CCDC85A: variants seen among roughly 807,000 people sequenced by gnomAD.
CCDC85A encodes the protein coiled-coil domain containing 85A.
In CCDC85A, 38 loss-of-function variants were observed where a neutral mutation model predicts 50.2. The ratio of observed to expected loss-of-function variants is 0.76; its 90% CI spans 0.58 to 0.99. The LOEUF (loss-of-function observed/expected upper bound fraction) is 0.99, where lower values mean the gene tolerates loss of function less well. CCDC85A is among the 50% of genes least tolerant of loss of function. The pLI, the probability that CCDC85A is intolerant of heterozygous loss-of-function variation, is 0.00. For missense variants in CCDC85A, 820 were observed against 742.0 expected (o/e 1.11, Z -1.22); for synonymous variants, 366 against 301.4 (o/e 1.21, Z -2.22).
chr2:56,248,154 TA>T (rs1669592012), intron 2 of CCDC85A, among the ~76,000 whole-genome samples: 1 of 152,244 alleles, frequency 6.6e-6, no homozygotes, highest in Non-Finnish European at 1.5e-5. Context: ...GTCATTGTGA[TA>T]AATGCTTCTG....
At chr2:56,322,503 C>T (rs1673254796) in intron 2 of CCDC85A, among the ~76,000 whole-genome samples, 1 of 152,102 alleles carries the variant, frequency 6.6e-6, no homozygotes, top group Non-Finnish European at 1.5e-5. Context: ...AGACAATTCT[C>T]AAAAGAAGAT....
chr2:56,191,500 G>A (rs767573671), intron 1 of CCDC85A, among the ~76,000 whole-genome samples: 1 of 152,194 alleles, frequency 6.6e-6, no homozygotes, highest in African/African-American at 2.4e-5. Context: ...TATCCTAAGG[G>A]CCATGAGATT....
At chr2:56,271,711 G>C (rs1248309478) in intron 2 of CCDC85A, among the ~76,000 whole-genome samples, 1 of 152,186 alleles carries the variant, frequency 6.6e-6, no homozygotes, top group Non-Finnish European at 1.5e-5. Context: ...TGGGAGGTAA[G>C]GCACAGACAA....
intron 2 of CCDC85A, among the ~76,000 whole-genome samples, chr2:56,285,189 C>T (rs1228240755): frequency 6.6e-6 from 1 of 151,364 alleles, no homozygotes; most frequent in African/African-American, 2.4e-5. Context: ...GCAGTCTCCA[C>T]GTCCCAGGTT....
At chr2:56,343,658 G>A (rs759510481) in intron 3 of CCDC85A, among the ~76,000 whole-genome samples, 1 of 152,046 alleles carries the variant, frequency 6.6e-6, no homozygotes, top group Non-Finnish European at 1.5e-5. Flanking sequence ...ATTCTAGGTT[G>A]GTTTCCTTTT....
chr2:56,245,843 C>G (rs954474779), intron 2 of CCDC85A, among the ~76,000 whole-genome samples: 1 of 152,138 alleles, frequency 6.6e-6, no homozygotes, highest in Non-Finnish European at 1.5e-5. Context: ...GTGGATGTAT[C>G]AAGAAGGCCT....
intron 2 of CCDC85A, among the ~76,000 whole-genome samples, chr2:56,273,729 G>A (rs905574379): frequency 2.6e-5 from 4 of 151,480 alleles, no homozygotes; most frequent in Non-Finnish European, 5.9e-5. Flanking sequence ...GAAAGGAAAA[G>A]GGAAGTCCCA....
At chr2:56,362,477 G>C (rs975628126) in intron 3 of CCDC85A, among the ~76,000 whole-genome samples, 1 of 151,860 alleles carries the variant, frequency 6.6e-6, no homozygotes, top group African/African-American at 2.4e-5. Context: ...ATCAATGAAT[G>C]CTGAGGGAAA....
intron 2 of CCDC85A, among the ~76,000 whole-genome samples, chr2:56,306,697 T>C (rs1672462646): frequency 6.6e-6 from 1 of 152,198 alleles, no homozygotes; most frequent in African/African-American, 2.4e-5. Flanking sequence ...CTTCTAGGTA[T>C]ACTAAAATTT....
At chr2:56,296,353 A>G (rs1013034200) in intron 2 of CCDC85A, among the ~76,000 whole-genome samples, 1 of 152,210 alleles carries the variant, frequency 6.6e-6, no homozygotes, top group Admixed American at 6.6e-5. Flanking sequence ...TTTATAACAT[A>G]CCTACTGAAA....
chr2:56,183,964 T>G, upstream of CCDC85A: 1 of 985,266 alleles, frequency 1.0e-6, no homozygotes, highest in Non-Finnish European at 1.2e-6. Context: ...AGGCTCCTCC[T>G]CCAGCCGGTC....
chr2:56,308,576 C>G lies in CCDC85A; in HGVS notation c.1241-34303C>G, dbSNP rs115527555. Among the ~76,000 whole-genome samples, 1,498 of 152,208 alleles carry G rather than the reference C, an allele frequency of 9.8e-3. 25 individuals carry two copies. The highest frequency in any genetic ancestry group is 0.034 in the African/African-American group (1,395 of 41,524). On this transcript the variant is annotated intron_variant, in intron 2 of 5. Transcript: ENST00000407595. ...AATTTCTATGAACTTTGGTTTTCCT[C>G]AACTGAAAAATAGGACCTAATAATA...
rs75829550 is a variant in CCDC85A, at chr2:56,184,263, G to A, written c.-362G>A. ...TGCGGGGGGCGACAGTCTCGGCTTA[G>A]GGCGGAGGAGAGGGCAGGGGAACGG... On this transcript the variant is annotated 5_prime_UTR_variant, in exon 1 of 6. Transcript: ENST00000407595. 2 of 909,194 alleles carry A rather than the reference G, an allele frequency of 2.2e-6. No homozygotes were observed. Among genetic ancestry groups the A allele is most frequent in the African/African-American group, 1.8e-5 (1 of 56,630 alleles). The allele number at this position is 909,194 out of a possible 1,614,324, so 56.3% of individuals were successfully genotyped here. A position where few individuals can be genotyped will look rare whatever the true frequency, so the allele number is the denominator to read the frequency against.
At chr2:56,349,124 C>G (rs953760588) in intron 3 of CCDC85A, among the ~76,000 whole-genome samples, 7 of 151,896 alleles carry the variant, frequency 4.6e-5, no homozygotes, top group Admixed American at 1.3e-4. Context: ...GAAGAGCGAC[C>G]CTAATTATGT....
chr2:56,250,089 G>A (rs11695736), intron 2 of CCDC85A, among the ~76,000 whole-genome samples: 55,367 of 151,986 alleles, frequency 0.36, 11,027 homozygotes, highest in African/African-American at 0.49. Context: ...CCTCTAAAAC[G>A]TGTAAGCAAG....
rs962580167 is a variant in CCDC85A, at chr2:56,384,503, G to A, written c.*148G>A. 1 of 616,226 alleles carries A rather than the reference G, an allele frequency of 1.6e-6. No homozygotes were observed. Among genetic ancestry groups the A allele is most frequent in the Non-Finnish European group, 2.8e-6 (1 of 351,086 alleles). The allele number at this position is 616,226 out of a possible 1,614,324, so 38.2% of individuals were successfully genotyped here. A position where few individuals can be genotyped will look rare whatever the true frequency, so the allele number is the denominator to read the frequency against. Reference sequence around the variant, plus strand: ...TGCACATATCTCCCCTCTAAAACCTGTAGTACAACTTCTCCCCTCAAGCTG... The same window carrying A: ...TGCACATATCTCCCCTCTAAAACCTATAGTACAACTTCTCCCCTCAAGCTG... On this transcript the variant is annotated 3_prime_UTR_variant, in exon 6 of 6. Transcript: ENST00000407595.
intron 1 of CCDC85A, among the ~76,000 whole-genome samples, chr2:56,186,247 G>T (rs1376584239): frequency 6.6e-6 from 1 of 152,174 alleles, no homozygotes; most frequent in African/African-American, 2.4e-5. Flanking sequence ...TTTATTAAGT[G>T]CCAGTCTCTT....
At chr2:56,183,899 C>G (rs1675867790), upstream of CCDC85A, 9 of 985,434 alleles carry the variant, frequency 9.1e-6, no homozygotes, top group Non-Finnish European at 1.1e-5. Flanking sequence ...GGTCGAGTGG[C>G]AGCTGCGTCC....
At position 56,184,702 on chromosome 2, in the gene CCDC85A, C is replaced by T. The variant is rs1249906995; in HGVS notation, c.78C>T (p.Ser26=). The change falls in exon 1 of 6, where the codon TCC becomes TCT. Residue 26 remains serine, a synonymous_variant. Transcript: ENST00000407595. The part of the protein sequence containing the change: ...ESCSPAPAGS[S]AAPPAPVEDL... Reference sequence around the variant, plus strand: ...GTTCCCCAGCCCCGGCCGGCTCGTCCGCGGCCCCGCCCGCGCCGGTGGAGG... The same window carrying T: ...GTTCCCCAGCCCCGGCCGGCTCGTCTGCGGCCCCGCCCGCGCCGGTGGAGG... 3.3e-6 allele frequency: 5 copies of T among 1,526,896 alleles called. No homozygotes were observed. In the East Asian group the frequency reaches 1.3e-4, roughly 40 times the overall value. The allele number at this position is 1,526,896 out of a possible 1,614,324, so 94.6% of individuals were successfully genotyped here. A position where few individuals can be genotyped will look rare whatever the true frequency, so the allele number is the denominator to read the frequency against.
Sources: gnomAD v4.1 joint callset for allele counts (sites outside exome capture counted in the v4.1 genomes callset) on GRCh38, gnomAD v4.1.1 for gene constraint, MANE v1.5 for transcripts, NCBI Gene and HGNC (gene_info 2026-07-23, HGNC 2026-07-21) for gene names.